CAST: variants seen among roughly 807,000 people sequenced by gnomAD.
CAST encodes MIR583 host.
Under a neutral mutation model 119.6 loss-of-function variants are expected in CAST, and 76 were observed. That is an observed-to-expected ratio of 0.64 (90% CI 0.53 to 0.77). CAST has a LOEUF of 0.77. Ranked by LOEUF, CAST falls within the 30% of genes least tolerant of loss-of-function variation. The pLI, the probability that CAST is intolerant of heterozygous loss-of-function variation, is 0.00. For missense variants in CAST, 953 were observed against 946.5 expected, an observed-to-expected ratio of 1.01 and a Z score of -0.09; for synonymous variants, 319 against 331.6, an observed-to-expected ratio of 0.96 and a Z score of 0.41.
At chr5:96,501,954 C>T in the CAST span, among the ~76,000 whole-genome samples, 1 of 152,168 alleles carries the variant, frequency 6.6e-6, no homozygotes. Context: ...AAGAGGTGTA[C>T]ACCTATGATA....
At chr5:96,678,680 TA>T (rs1295106329) in intron 2 of CAST, among the ~76,000 whole-genome samples, 1 of 151,998 alleles carries the variant, frequency 6.6e-6, no homozygotes, top group African/African-American at 2.4e-5. Flanking sequence ...CCATCTCTAC[TA>T]AAAATACCAG....
At chr5:96,741,070 G>A in intron 13 of CAST, 196 bp from the exon 14 acceptor site, 1 of 594,840 alleles carries the variant, frequency 1.7e-6, no homozygotes, top group South Asian at 2.1e-5. Context: ...CTTTTGAAAG[G>A]GGGAAGTGGA....
chr5:96,534,903 G>A (rs1472013637), intron 1 of CAST, among the ~76,000 whole-genome samples: 1 of 142,432 alleles, frequency 7.0e-6, no homozygotes, highest in Non-Finnish European at 1.5e-5. Context: ...AAGGAAAGAA[G>A]GAAGGAAAGA....
chr5:96,422,108 T>C, the CAST span: 43 of 650,430 alleles, frequency 6.6e-5, no homozygotes, highest in Non-Finnish European at 1.1e-4. Context: ...GCCGAGTCAC[T>C]GAATATTTAT....
chr5:96,144,343 C>T, the CAST span, among the ~76,000 whole-genome samples: 2 of 152,124 alleles, frequency 1.3e-5, no homozygotes, highest in South Asian at 4.1e-4. Flanking sequence ...GAAAGACTGA[C>T]CAAAACGGAG....
chr5:96,467,858 G>A, the CAST span, among the ~76,000 whole-genome samples: 7 of 152,012 alleles, frequency 4.6e-5, no homozygotes, highest in East Asian at 1.3e-3. Context: ...TAGATCTACT[G>A]TTCGATCCAG....
chr5:96,262,196 A>G, the CAST span, among the ~76,000 whole-genome samples: 1 of 152,234 alleles, frequency 6.6e-6, no homozygotes, highest in South Asian at 2.1e-4. Flanking sequence ...TAGTAAAAGT[A>G]GAATTCCTGA....
chr5:96,686,849 T>C (rs915739633), intron 2 of CAST, among the ~76,000 whole-genome samples: 47 of 152,280 alleles, frequency 3.1e-4, no homozygotes, highest in African/African-American at 1.1e-3. Flanking sequence ...TTGCTATAGG[T>C]GTAGGGACCA....
the CAST span, among the ~76,000 whole-genome samples, chr5:96,306,023 T>C: frequency 6.6e-6 from 1 of 151,372 alleles, no homozygotes; most frequent in East Asian, 1.9e-4. Context: ...CTTTCTGAAG[T>C]ACCAGCTCCT....
chr5:96,360,249 G>A, the CAST span, among the ~76,000 whole-genome samples: 1 of 151,772 alleles, frequency 6.6e-6, no homozygotes, highest in Admixed American at 6.6e-5. Context: ...ATTTTTTCAA[G>A]GTTCTTAGCC....
At chr5:96,374,192 A>G in the CAST span, among the ~76,000 whole-genome samples, 1 of 152,172 alleles carries the variant, frequency 6.6e-6, no homozygotes, top group Admixed American at 6.6e-5. Context: ...GTCTGCCTGA[A>G]CCATATGTTT....
the CAST span, chr5:96,432,895 C>A: frequency 6.8e-6 from 11 of 1,614,036 alleles, no homozygotes; most frequent in African/African-American, 1.3e-5. Context: ...AGCTCCTCGG[C>A]GATGGCCGAG....
the CAST span, among the ~76,000 whole-genome samples, chr5:96,090,996 C>T: frequency 6.6e-6 from 1 of 151,886 alleles, no homozygotes; most frequent in African/African-American, 2.4e-5. Flanking sequence ...TGTGCAGGTT[C>T]CCAGGTGCAT....
the CAST span, among the ~76,000 whole-genome samples, chr5:96,052,142 T>G: frequency 2.6e-5 from 4 of 152,182 alleles, no homozygotes; most frequent in South Asian, 8.3e-4. Context: ...AAATATTAAA[T>G]AAAGAGGGTC....
At chr5:96,159,203 A>G in the CAST span, among the ~76,000 whole-genome samples, 21 of 152,204 alleles carry the variant, frequency 1.4e-4, no homozygotes, top group Non-Finnish European at 2.5e-4. Flanking sequence ...TGATACAGAT[A>G]TGGTCAAGGC....
chr5:96,600,226 C>G (rs979215947), intron 1 of CAST, among the ~76,000 whole-genome samples: 2 of 152,190 alleles, frequency 1.3e-5, no homozygotes, highest in African/African-American at 4.8e-5. Flanking sequence ...TTTATTCTCT[C>G]CCTTTCTAGA....
chr5:96,265,189 T>G, the CAST span, among the ~76,000 whole-genome samples: 2 of 152,140 alleles, frequency 1.3e-5, no homozygotes, highest in East Asian at 1.9e-4. Flanking sequence ...TCACATCTTT[T>G]TAGATTTTAG....
intron 15 of CAST, chr5:96,742,331 ACTTG>A (rs1342078720): frequency 2.6e-4 from 51 of 196,952 alleles, no homozygotes; most frequent in Admixed American, 7.9e-4. Context: ...ACAGTTTACT[ACTTG>A]CTTCTTTTTT....
the CAST span, among the ~76,000 whole-genome samples, chr5:96,157,498 G>T: frequency 3.3e-5 from 5 of 152,212 alleles, no homozygotes; most frequent in South Asian, 1.0e-3. Context: ...TAAAGGTGTG[G>T]TGTCCTTACT....
Sources: allele counts gnomAD v4.1 joint callset (sites outside exome capture counted in the v4.1 genomes callset), GRCh38; gene constraint gnomAD v4.1.1; transcripts MANE v1.5; gene names NCBI Gene and HGNC (gene_info 2026-07-23, HGNC 2026-07-21).